Variants in FCRL2 observed in about 807,000 individuals in gnomAD.
FCRL2 encodes the protein Fc receptor like 2.
Under a neutral mutation model 59.8 loss-of-function variants are expected in FCRL2, and 48 were observed. That is an observed-to-expected ratio of 0.80 (90% CI 0.64 to 1.02). FCRL2 has a LOEUF of 1.02. Ranked by LOEUF, FCRL2 falls within the 50% of genes least tolerant of loss-of-function variation. The pLI is 0.00. For synonymous variants in FCRL2, 251 were observed against 229.5 expected, an observed-to-expected ratio of 1.09 and a Z score of -0.85; for missense variants, 658 against 597.3, an observed-to-expected ratio of 1.10 and a Z score of -1.06.
intron 7 of FCRL2, among the ~76,000 whole-genome samples, chr1:157,766,074 A>G (rs1324168151): frequency 1.3e-5 from 2 of 152,126 alleles, no homozygotes; most frequent in Non-Finnish European, 2.9e-5. Context: ...GCTTCTTATG[A>G]TCTATATCAT....
intron 10 of FCRL2, among the ~76,000 whole-genome samples, chr1:157,747,231 G>C (rs1647816947): frequency 6.6e-6 from 1 of 152,130 alleles, no homozygotes; most frequent in African/African-American, 2.4e-5. Context: ...ATGTTCCTGA[G>C]ATAACCAATC....
At chr1:157,772,534 G>A (rs187387439) in intron 2 of FCRL2, among the ~76,000 whole-genome samples, 2 of 152,270 alleles carry the variant, frequency 1.3e-5, no homozygotes, top group African/African-American at 4.8e-5. Flanking sequence ...CGGAGGCCTG[G>A]AAGTGAACTT....
At chr1:157,770,331 T>C in intron 3 of FCRL2, 78 bp downstream of exon 3, 1 of 1,529,148 alleles carries the variant, frequency 6.5e-7, no homozygotes, top group East Asian at 2.3e-5. Context: ...CATGAGCAGC[T>C]TTCCCCTACC....
intron 5 of FCRL2, chr1:157,768,012 C>T (rs1649659055): frequency 4.1e-6 from 1 of 241,888 alleles, no homozygotes; most frequent in Non-Finnish European, 7.9e-6. Context: ...AACATGGCTC[C>T]AAATGTCTCC....
chr1:157,751,697 T>C (rs1648199527), intron 7 of FCRL2, among the ~76,000 whole-genome samples: 1 of 151,942 alleles, frequency 6.6e-6, no homozygotes, highest in South Asian at 2.1e-4. Flanking sequence ...CCTGAAGAGG[T>C]ATAGGGTTCC....
chr1:157,754,387 A>G (rs1167772896), intron 7 of FCRL2, among the ~76,000 whole-genome samples: 1 of 152,226 alleles, frequency 6.6e-6, no homozygotes, highest in Non-Finnish European at 1.5e-5. Context: ...AATATGGTCT[A>G]AAAAGGGGAG....
At chr1:157,770,179 A>C in intron 3 of FCRL2, 29 bp from the exon 4 acceptor site, 1 of 1,601,516 alleles carries the variant, frequency 6.2e-7, no homozygotes, top group Non-Finnish European at 8.5e-7. Flanking sequence ...ATAGTCCCCA[A>C]AGCAGTGACA....
chr1:157,773,309 G>C (rs1383103722), intron 2 of FCRL2, among the ~76,000 whole-genome samples: 1 of 152,202 alleles, frequency 6.6e-6, no homozygotes, highest in Non-Finnish European at 1.5e-5. Context: ...AATGGTGCTG[G>C]CATTTATGGA....
At chr1:157,753,768 G>GA (rs1474427985) in intron 7 of FCRL2, among the ~76,000 whole-genome samples, 2 of 152,126 alleles carry the variant, frequency 1.3e-5, no homozygotes, top group African/African-American at 4.8e-5. Context: ...TGGTGTTTCT[G>GA]AAAACCAGCT....
At chr1:157,752,740 A>G (rs1246282812) in intron 7 of FCRL2, among the ~76,000 whole-genome samples, 1 of 152,242 alleles carries the variant, frequency 6.6e-6, no homozygotes, top group African/African-American at 2.4e-5. Context: ...GAAAGCCTAT[A>G]TAAGTAAAAC....
chr1:157,775,866 C>G, intron 1 of FCRL2, 71 bp from the exon 2 acceptor site: 3 of 1,532,482 alleles, frequency 2.0e-6, no homozygotes, highest in Non-Finnish European at 2.7e-6. Flanking sequence ...TTATATTACT[C>G]TGGTAAATTG....
At chr1:157,769,768 A>G in intron 4 of FCRL2, 98 bp downstream of exon 4, 1 of 1,430,584 alleles carries the variant, frequency 7.0e-7, no homozygotes, top group Non-Finnish European at 9.5e-7. Flanking sequence ...CACTTTCCTC[A>G]AGGACAGGAG....
chr1:157,751,893 C>T (rs1557854154), intron 7 of FCRL2, among the ~76,000 whole-genome samples: 2 of 152,196 alleles, frequency 1.3e-5, no homozygotes, highest in Non-Finnish European at 2.9e-5. Flanking sequence ...ATTTTCTCAA[C>T]CGAGCAAACC....
intron 10 of FCRL2, among the ~76,000 whole-genome samples, chr1:157,747,359 T>C (rs1353606396): frequency 6.6e-6 from 1 of 152,214 alleles, no homozygotes; most frequent in Non-Finnish European, 1.5e-5. Context: ...TAGTGATGTC[T>C]GCTTCTTTTC....
chr1:157,752,792 C>T (rs1277737666), intron 7 of FCRL2, among the ~76,000 whole-genome samples: 4 of 152,138 alleles, frequency 2.6e-5, no homozygotes, highest in South Asian at 2.1e-4. Context: ...AGTAGACACA[C>T]TCTTGGATAG....
At chr1:157,759,009 C>T (rs1183623150) in intron 7 of FCRL2, among the ~76,000 whole-genome samples, 1 of 152,192 alleles carries the variant, frequency 6.6e-6, no homozygotes, top group Non-Finnish European at 1.5e-5. Flanking sequence ...ACCCAAATCT[C>T]ATCTTGAATT....
intron 7 of FCRL2, among the ~76,000 whole-genome samples, chr1:157,753,677 G>A (rs1305755646): frequency 6.6e-6 from 1 of 152,174 alleles, no homozygotes. Flanking sequence ...GCAATTGGTG[G>A]TTAGATGAAT....
chr1:157,774,532 G>A (rs1359749466), intron 2 of FCRL2: 1 of 452,586 alleles, frequency 2.2e-6, no homozygotes, highest in East Asian at 7.0e-5. Context: ...GGAAAAGAAA[G>A]AGAATGAAGT....
chr1:157,746,979 A>AAAGTCT, intron 10 of FCRL2, 80 bp from the exon 11 acceptor site: 1 of 1,433,128 alleles, frequency 7.0e-7, no homozygotes, highest in Non-Finnish European at 9.7e-7. Context: ...CCCAGGGCAT[A>AAAGTCT]GAACTACTAT....
Sources: allele counts gnomAD v4.1 joint callset (sites outside exome capture counted in the v4.1 genomes callset), GRCh38; gene constraint gnomAD v4.1.1; transcripts MANE v1.5; gene names NCBI Gene and HGNC (gene_info 2026-07-23, HGNC 2026-07-21).